ZNF704: variants seen among roughly 807,000 people sequenced by gnomAD.
ZNF704 encodes the protein glucocorticoid induced gene 1.
Under a neutral mutation model 44.7 loss-of-function variants are expected in ZNF704, and 10 were observed. The ratio of observed to expected loss-of-function variants is 0.22; its 90% confidence interval spans 0.14 to 0.38. The LOEUF (loss-of-function observed/expected upper bound fraction) is 0.38, where lower values mean the gene tolerates loss of function less well. Among genes scored for constraint, ZNF704 ranks in the 10% least tolerant of loss-of-function variants. ZNF704 has a pLI of 1.00. For synonymous variants in ZNF704, 211 were observed against 207.6 expected, an observed-to-expected ratio of 1.02 and a Z score of -0.14; for missense variants, 390 against 545.5, an observed-to-expected ratio of 0.71 and a Z score of 2.84.
At chr8:80,833,723 G>C (rs1314935445) in intron 1 of ZNF704, among the ~76,000 whole-genome samples, 1 of 152,180 alleles carries the variant, frequency 6.6e-6, no homozygotes, top group Non-Finnish European at 1.5e-5. Flanking sequence ...TTTGGTGGTA[G>C]TGGTGATGTA....
intron 2 of ZNF704, among the ~76,000 whole-genome samples, chr8:80,741,413 G>A (rs1211966185): frequency 6.6e-6 from 1 of 152,216 alleles, no homozygotes; most frequent in Non-Finnish European, 1.5e-5. Context: ...TGGCATACTT[G>A]AGTAAGAAAA....
At chr8:80,852,896 A>G (rs1009155331) in intron 1 of ZNF704, among the ~76,000 whole-genome samples, 9 of 152,292 alleles carry the variant, frequency 5.9e-5, no homozygotes, top group Non-Finnish European at 5.9e-5. Context: ...ACCATTAAAT[A>G]ATATTTTCTG....
At chr8:80,667,987 T>G (rs1818221898) in intron 5 of ZNF704, among the ~76,000 whole-genome samples, 1 of 152,188 alleles carries the variant, frequency 6.6e-6, no homozygotes, top group South Asian at 2.1e-4. Flanking sequence ...AAAAGAAAGA[T>G]GATGTTAGAA....
At chr8:80,774,196 T>C (rs945040767) in intron 2 of ZNF704, among the ~76,000 whole-genome samples, 1 of 152,060 alleles carries the variant, frequency 6.6e-6, no homozygotes, top group Non-Finnish European at 1.5e-5. Context: ...CTCCAGTAGC[T>C]GGGACTACAG....
At position 80,694,828 on chromosome 8, in the gene ZNF704, A is replaced by G. The variant is rs1399829743; in HGVS notation, c.222-1721T>C. Among the ~76,000 whole-genome samples, 4 of 152,224 alleles carry G rather than the reference A, an allele frequency of 2.6e-5. No homozygotes were observed. In the East Asian group the frequency reaches 5.8e-4, roughly 22 times the overall value. On this transcript the variant is annotated intron_variant, in intron 2 of 8. Coordinates refer to ENST00000327835, the MANE Select transcript of ZNF704 (RefSeq NM_001033723.3). ...ATGGAAATCTTTGAAATTTTCTTCA[A>G]TAATTCTTCTCAAAGCACCTTATGC...
chr8:80,703,706 C>T (rs1345337636), intron 2 of ZNF704, among the ~76,000 whole-genome samples: 1 of 152,178 alleles, frequency 6.6e-6, no homozygotes, highest in Admixed American at 6.5e-5. Context: ...AACTCCTGGA[C>T]TCAAGTGATC....
chr8:80,753,879 G>C (rs1250906251), intron 2 of ZNF704, among the ~76,000 whole-genome samples: 1 of 152,160 alleles, frequency 6.6e-6, no homozygotes, highest in African/African-American at 2.4e-5. Flanking sequence ...CTCAAAGGCA[G>C]ACCCCATGAG....
intron 2 of ZNF704, among the ~76,000 whole-genome samples, chr8:80,733,985 T>C (rs144571603): frequency 1.2e-4 from 18 of 152,222 alleles, no homozygotes; most frequent in African/African-American, 4.8e-5. Context: ...TTTTTTGCTA[T>C]GGATCTGATA....
chr8:80,692,120 G>A (rs1292781202), intron 3 of ZNF704, among the ~76,000 whole-genome samples: 3 of 151,914 alleles, frequency 2.0e-5, no homozygotes, highest in Non-Finnish European at 4.4e-5. Context: ...CAAACTCCTA[G>A]CCAGGCATAA....
At chr8:80,815,783 G>T (rs567231059) in intron 2 of ZNF704, among the ~76,000 whole-genome samples, 1 of 152,282 alleles carries the variant, frequency 6.6e-6, no homozygotes, top group African/African-American at 2.4e-5. Context: ...AATGATAATA[G>T]ACATTTGTCA....
intron 2 of ZNF704, among the ~76,000 whole-genome samples, chr8:80,746,207 G>T (rs1374061751): frequency 6.6e-6 from 1 of 152,192 alleles, no homozygotes; most frequent in Non-Finnish European, 1.5e-5. Flanking sequence ...CTTACACAGG[G>T]TTGGGCATGT....
At position 80,851,464 on chromosome 8, in the gene ZNF704, T is replaced by C. The variant is rs184766989; in HGVS notation, c.-22+23107A>G. On this transcript the variant is annotated intron_variant, in intron 1 of 8. Transcript: ENST00000327835. ...GGAAACTATCACATTCTCAGCAAAC[T>C]ATCGCAAGGACAAAAAACCAAACAC... Among the ~76,000 whole-genome samples, 117 of 151,382 alleles carry C rather than the reference T, an allele frequency of 7.7e-4. 1 individual carries two copies. Among genetic ancestry groups the C allele is most frequent in the East Asian group, 7.4e-3 (38 of 5,108 alleles).
At chr8:80,845,677 C>T (rs904328226) in intron 1 of ZNF704, among the ~76,000 whole-genome samples, 1 of 152,142 alleles carries the variant, frequency 6.6e-6, no homozygotes, top group Non-Finnish European at 1.5e-5. Context: ...TTCTGAAGCA[C>T]AAGAGGCACA....
At chr8:80,807,635 TTTC>T (rs1367578666) in intron 2 of ZNF704, among the ~76,000 whole-genome samples, 22 of 152,090 alleles carry the variant, frequency 1.4e-4, no homozygotes, top group Admixed American at 1.2e-3. Flanking sequence ...GCTTAATCTA[TTTC>T]TTTTGTTTGC....
At chr8:80,862,886 G>C (rs1259948526) in intron 1 of ZNF704, among the ~76,000 whole-genome samples, 1 of 150,676 alleles carries the variant, frequency 6.6e-6, no homozygotes, top group Non-Finnish European at 1.5e-5. Context: ...CATGTCATAA[G>C]ATATGCAAAT....
chr8:80,796,528 G>A (rs146181629), intron 2 of ZNF704, among the ~76,000 whole-genome samples: 3 of 152,130 alleles, frequency 2.0e-5, no homozygotes, highest in Non-Finnish European at 2.9e-5. Context: ...TGCCCTCCCC[G>A]CAAATAAACT....
At chr8:80,883,292 A>G in the ZNF704 span, among the ~76,000 whole-genome samples, 1 of 151,870 alleles carries the variant, frequency 6.6e-6, no homozygotes, top group African/African-American at 2.4e-5. Flanking sequence ...GGATCAAATA[A>G]TAATTAGCAT....
chr8:80,873,893 G>A (rs1211017674), intron 1 of ZNF704, among the ~76,000 whole-genome samples: 2 of 145,272 alleles, frequency 1.4e-5, no homozygotes, highest in Admixed American at 6.8e-5. Flanking sequence ...GCTCTCCGGG[G>A]CGGGCGCCGG....
chr8:80,655,300 C>T (rs575440073), intron 7 of ZNF704, among the ~76,000 whole-genome samples: 4 of 151,448 alleles, frequency 2.6e-5, no homozygotes, highest in East Asian at 3.9e-4. Context: ...CAAACCTGCA[C>T]GTTGGGCACA....
Sources: gnomAD v4.1 joint callset for allele counts (sites outside exome capture counted in the v4.1 genomes callset) on GRCh38, gnomAD v4.1.1 for gene constraint, MANE v1.5 for transcripts, NCBI Gene and HGNC (gene_info 2026-07-23, HGNC 2026-07-21) for gene names.